CERS3: variants seen among roughly 807,000 people sequenced by gnomAD.
The protein encoded by CERS3 is LAG1 homolog, ceramide synthase 3.
CERS3 carries 33 observed loss-of-function variants against 50.3 expected under a neutral mutation model. The ratio of observed to expected loss-of-function variants is 0.66; its 90% CI spans 0.50 to 0.88. CERS3 has a LOEUF of 0.88. CERS3 is among the 40% of genes least tolerant of loss of function. The pLI is 0.00. For synonymous variants in CERS3, 176 were observed against 155.2 expected, an observed-to-expected ratio of 1.13 and a Z score of -0.99; for missense variants, 470 against 460.3, an observed-to-expected ratio of 1.02 and a Z score of -0.19.
intron 10 of CERS3, among the ~76,000 whole-genome samples, chr15:100,466,816 C>CTCTCTTT (rs2034746719): frequency 7.6e-5 from 1 of 13,242 alleles, no homozygotes; most frequent in Non-Finnish European, 2.2e-4. Context: ...TCCCTCCCTC[C>CTCTCTTT]CTCTCTCCCT....
intron 3 of CERS3, among the ~76,000 whole-genome samples, chr15:100,497,882 CACACACACACACACTT>C (rs1223499359): frequency 0.023 from 1,899 of 83,522 alleles, 17 homozygotes; most frequent in Non-Finnish European, 0.031. Flanking sequence ...CACACACACA[CACACACACACACACTT>C]TTTTTTTTTT....
chr15:100,465,200 C>CG (rs2034674145), intron 10 of CERS3, among the ~76,000 whole-genome samples: 1 of 152,040 alleles, frequency 6.6e-6, no homozygotes, highest in Non-Finnish European at 1.5e-5. Context: ...CTGCCGCCCA[C>CG]AGTGCCTCTA....
chr15:100,444,025 C>T (rs2033822406), intron 11 of CERS3, among the ~76,000 whole-genome samples: 2 of 152,190 alleles, frequency 1.3e-5, no homozygotes. Context: ...CTTTTCATTA[C>T]ACACAGCTGA....
At chr15:100,484,470 C>A in intron 5 of CERS3, 80 bp downstream of exon 5, 2 of 978,684 alleles carry the variant, frequency 2.0e-6, no homozygotes, top group Non-Finnish European at 3.3e-6. Flanking sequence ...CTCTGCTGCT[C>A]CGGCAGTATT....
At chr15:100,445,880 G>A (rs922871310) in intron 11 of CERS3, among the ~76,000 whole-genome samples, 9 of 152,128 alleles carry the variant, frequency 5.9e-5, no homozygotes, top group Admixed American at 2.0e-4. Flanking sequence ...TGTTCCTGCC[G>A]TAACTGATGA....
rs2035434374 is a variant in CERS3, at chr15:100,484,642, C to G, written c.315G>C (p.Lys105Asn). The change falls in exon 5 of 12, where the codon AAG (lysine) becomes AAC (asparagine). Residue 105 changes from lysine (K) to asparagine (N), a missense_variant. Transcript: ENST00000679737. ...LQTDIYGLAK[K>N]CNLTERQVER... ...CCACCTGGCGCTCCGTCAAGTTACA[C>G]TTCTTTGCCAGTCCATAAATATCAG... 5 of 1,614,016 alleles carry G rather than the reference C, an allele frequency of 3.1e-6. No homozygotes were observed. Among genetic ancestry groups the G allele is most frequent in the Non-Finnish European group, 4.2e-6 (5 of 1,179,874 alleles).
At chr15:100,543,908 A>G (rs536621249) in intron 1 of CERS3, among the ~76,000 whole-genome samples, 3 of 152,302 alleles carry the variant, frequency 2.0e-5, no homozygotes, top group East Asian at 3.9e-4. Context: ...GAATTTGAGA[A>G]TAAGTAAAAG....
At chr15:100,434,810 C>A (rs953375429) in intron 11 of CERS3, among the ~76,000 whole-genome samples, 1 of 152,196 alleles carries the variant, frequency 6.6e-6, no homozygotes, top group Non-Finnish European at 1.5e-5. Context: ...TATACGACAT[C>A]TGTGTGTGTG....
chr15:100,440,606 G>A (rs971174801), intron 11 of CERS3, among the ~76,000 whole-genome samples: 13 of 152,210 alleles, frequency 8.5e-5, no homozygotes, highest in Admixed American at 7.2e-4. Flanking sequence ...GGACGTGCGT[G>A]AAATTTGGTG....
At position 100,455,928 on chromosome 15, in the gene CERS3, T is replaced by C. The variant is rs2034353881; in HGVS notation, c.964A>G (p.Ile322Val). 5.6e-6 allele frequency: 9 copies of C among 1,612,342 alleles called. No individual in the cohort carries two copies. Among genetic ancestry groups the C allele is most frequent in the Non-Finnish European group, 7.6e-6 (9 of 1,179,182 alleles). The stretch of plus-strand genomic sequence containing the variant: ...ATACATCTGTTGAGCATCTTCAAGA[T>C]GTAATAACCCCAGTAAAGGTGAAGG... The part of the protein sequence containing the change: ...QVLHLYWGYY[I>V]LKMLNRCIFM... Residue 322 changes from isoleucine (I) to valine (V), a missense_variant, in exon 11 of 12, where the codon ATC (isoleucine) becomes GTC (valine). By Grantham distance (29) the Ile-to-Val change is conservative. Transcript: ENST00000679737.
chr15:100,475,677 T>C (rs753896582), intron 8 of CERS3, among the ~76,000 whole-genome samples: 1 of 152,202 alleles, frequency 6.6e-6, no homozygotes, highest in Non-Finnish European at 1.5e-5. Context: ...GATGAATTAA[T>C]GGAAAAATGT....
chr15:100,406,972 T>C (rs1040305806), intron 11 of CERS3, among the ~76,000 whole-genome samples: 1 of 152,186 alleles, frequency 6.6e-6, no homozygotes, highest in East Asian at 1.9e-4. Flanking sequence ...GGAACTCCTC[T>C]TTTTGACACC....
intron 11 of CERS3, 109 bp downstream of exon 11, chr15:100,455,784 A>G (rs2034346268): frequency 1.0e-5 from 8 of 772,486 alleles, no homozygotes; most frequent in Admixed American, 6.6e-5. Context: ...AAAATCAAGA[A>G]AAAAGAATTC....
intron 11 of CERS3, among the ~76,000 whole-genome samples, chr15:100,429,625 C>T (rs1176519874): frequency 6.6e-6 from 1 of 152,178 alleles, no homozygotes; most frequent in African/African-American, 2.4e-5. Context: ...AGTCTGTGTA[C>T]TCCCTTCAAA....
At chr15:100,496,892 C>T (rs1263395673) in intron 3 of CERS3, among the ~76,000 whole-genome samples, 1 of 152,124 alleles carries the variant, frequency 6.6e-6, no homozygotes, top group Non-Finnish European at 1.5e-5. Context: ...CTAAGATAAT[C>T]TGATTAAATG....
At chr15:100,475,001 A>T (rs1596725667) in intron 8 of CERS3, among the ~76,000 whole-genome samples, 1 of 152,204 alleles carries the variant, frequency 6.6e-6, no homozygotes, top group African/African-American at 2.4e-5. Context: ...CGTAAATGAT[A>T]AAAGGGAAGT....
intron 3 of CERS3, 118 bp downstream of exon 3, chr15:100,501,559 A>G (rs2035997854): frequency 1.2e-6 from 1 of 824,722 alleles, no homozygotes; most frequent in Non-Finnish European, 1.9e-6. Context: ...TCTGTGGCCC[A>G]TTAGTGGCAA....
intron 11 of CERS3, among the ~76,000 whole-genome samples, chr15:100,425,216 G>C (rs1207151142): frequency 2.0e-5 from 3 of 152,322 alleles, no homozygotes; most frequent in South Asian, 4.1e-4. Flanking sequence ...TTCCTACCAG[G>C]GCACTACTGA....
chr15:100,482,915 T>G (rs1411797194), intron 5 of CERS3, among the ~76,000 whole-genome samples: 2 of 152,258 alleles, frequency 1.3e-5, no homozygotes, highest in African/African-American at 4.8e-5. Context: ...AACATGGCAC[T>G]AGGTTTAGTC....
Sources: gnomAD v4.1 joint callset for allele counts (sites outside exome capture counted in the v4.1 genomes callset) on GRCh38, gnomAD v4.1.1 for gene constraint, MANE v1.5 for transcripts, NCBI Gene and HGNC (gene_info 2026-07-23, HGNC 2026-07-21) for gene names.